Variants in EXT1 observed in about 807,000 individuals in gnomAD.
EXT1 encodes exostosin glycosyltransferase 1, also known as exostosin-1.
Under a neutral mutation model 82.5 loss-of-function variants are expected in EXT1, and 20 were observed. The observed-to-expected ratio is 0.24, with a 90% confidence interval of 0.17 to 0.35. The LOEUF (loss-of-function observed/expected upper bound fraction) is 0.35, where lower values mean the gene tolerates loss of function less well. Among genes scored for constraint, EXT1 ranks in the 10% least tolerant of loss-of-function variants. The pLI, the probability that EXT1 is intolerant of heterozygous loss-of-function variation, is 1.00. For missense variants in EXT1, 757 were observed against 936.5 expected, an observed-to-expected ratio of 0.81 and a Z score of 2.50; for synonymous variants, 348 against 350.8, an observed-to-expected ratio of 0.99 and a Z score of 0.09.
chr8:118,051,203 G>T (rs1283292348), intron 1 of EXT1, among the ~76,000 whole-genome samples: 2 of 151,990 alleles, frequency 1.3e-5, no homozygotes, highest in Admixed American at 1.3e-4. Context: ...AGGGCACGGT[G>T]GCATGCCCCT....
At chr8:117,866,547 G>A (rs1812777003) in intron 1 of EXT1, among the ~76,000 whole-genome samples, 1 of 152,202 alleles carries the variant, frequency 6.6e-6, no homozygotes, top group East Asian at 1.9e-4. Context: ...CTCAAGGACA[G>A]TGGGGATGGC....
chr8:118,028,975 T>C (rs1816251556), intron 1 of EXT1, among the ~76,000 whole-genome samples: 1 of 152,220 alleles, frequency 6.6e-6, no homozygotes, highest in Admixed American at 6.5e-5. Context: ...TACTGTAAGA[T>C]ATATTCACCA....
At chr8:118,068,877 C>T (rs145118182) in intron 1 of EXT1, among the ~76,000 whole-genome samples, 26 of 152,228 alleles carry the variant, frequency 1.7e-4, no homozygotes, top group Admixed American at 6.5e-5. Flanking sequence ...ATTACCATTG[C>T]TGTTGTGTTA....
intron 1 of EXT1, among the ~76,000 whole-genome samples, chr8:117,980,694 GGTGGTTTTTTTTTTTTTTTT>G (rs370501489): frequency 0.52 from 64,470 of 123,544 alleles, 16,901 homozygotes; most frequent in Admixed American, 0.56. Flanking sequence ...TTCGGGTGTT[GGTGGTTTTTTTTTTTTTTTT>G]TTTTTTTTTT....
chr8:117,831,782 T>TC (rs1812103419), intron 3 of EXT1: 1 of 417,972 alleles, frequency 2.4e-6, no homozygotes, highest in East Asian at 7.2e-5. Context: ...AATTCAGCAC[T>TC]CCCCTTAGGA....
At chr8:117,921,929 G>A (rs1813864022) in intron 1 of EXT1, among the ~76,000 whole-genome samples, 1 of 151,436 alleles carries the variant, frequency 6.6e-6, no homozygotes, top group African/African-American at 2.4e-5. Context: ...AAATAGAACT[G>A]TACAGACTCT....
chr8:118,077,391 G>A (rs1409020715), intron 1 of EXT1, among the ~76,000 whole-genome samples: 1 of 152,152 alleles, frequency 6.6e-6, no homozygotes, highest in East Asian at 1.9e-4. Context: ...AATAAAAACT[G>A]TATTTCCACA....
In EXT1 at chr8:117,929,073, A is replaced by T. The variant is rs369193808; in HGVS notation, c.963-91872T>A. ...CTTCAATTGGGGTGATAATGAAGACACACATCTCCTAAGTTGCTGGAAAGA... is the reference window on the plus strand; with the variant it reads ...CTTCAATTGGGGTGATAATGAAGACTCACATCTCCTAAGTTGCTGGAAAGA... On this transcript the variant is annotated intron_variant, in intron 1 of 10. Coordinates refer to ENST00000378204, the MANE Select transcript of EXT1 (RefSeq NM_000127.3). 4.9e-4 allele frequency among the ~76,000 whole-genome samples: 74 copies of T among 152,326 alleles called. 1 individual carries two copies. Among genetic ancestry groups the T allele is most frequent in the South Asian group, 4.1e-3 (20 of 4,822 alleles).
intron 1 of EXT1, among the ~76,000 whole-genome samples, chr8:117,967,911 A>G (rs1316568326): frequency 1.3e-5 from 2 of 152,244 alleles, no homozygotes; most frequent in African/African-American, 2.4e-5. Context: ...CATGAGGACT[A>G]TAGTTAATAG....
At chr8:118,002,897 G>A (rs1438230339) in intron 1 of EXT1, among the ~76,000 whole-genome samples, 1 of 151,982 alleles carries the variant, frequency 6.6e-6, no homozygotes, top group Non-Finnish European at 1.5e-5. Context: ...CTACCCAGAG[G>A]AAAAGAAGTC....
chr8:117,850,435 A>T (rs1812433758), intron 1 of EXT1, among the ~76,000 whole-genome samples: 1 of 152,212 alleles, frequency 6.6e-6, no homozygotes, highest in Non-Finnish European at 1.5e-5. Context: ...CCAGTCGACC[A>T]TATCCCTCTC....
intron 1 of EXT1, among the ~76,000 whole-genome samples, chr8:117,858,689 G>GAAGAAAGA (rs1217359816): frequency 7.7e-6 from 1 of 129,622 alleles, no homozygotes; most frequent in African/African-American, 3.0e-5. Context: ...AAAAAAAAAA[G>GAAGAAAGA]AAGAAAGAAA....
chr8:117,884,605 T>C (rs895546310), intron 1 of EXT1, among the ~76,000 whole-genome samples: 2 of 152,218 alleles, frequency 1.3e-5, no homozygotes, highest in African/African-American at 2.4e-5. Context: ...CAACAGTCTC[T>C]ATACTTTTCT....
At chr8:117,860,146 C>CAAAAAAAAAAAA (rs34399339) in intron 1 of EXT1, among the ~76,000 whole-genome samples, 2 of 76,900 alleles carry the variant, frequency 2.6e-5, no homozygotes, top group Non-Finnish European at 4.6e-5. Context: ...GATTCTATCT[C>CAAAAAAAAAAAA]AAAAAAAAAA....
intron 1 of EXT1, among the ~76,000 whole-genome samples, chr8:118,013,950 C>T (rs1008002008): frequency 2.6e-5 from 4 of 152,136 alleles, no homozygotes; most frequent in Non-Finnish European, 5.9e-5. Context: ...AGTTGAACTG[C>T]GATTGAATCC....
chr8:118,050,818 T>C (rs1339868353), intron 1 of EXT1, among the ~76,000 whole-genome samples: 1 of 152,174 alleles, frequency 6.6e-6, no homozygotes, highest in African/African-American at 2.4e-5. Context: ...ATAAATAATA[T>C]CTTGATTAAT....
intron 1 of EXT1, among the ~76,000 whole-genome samples, chr8:117,974,444 C>G (rs1815025647): frequency 6.6e-6 from 1 of 152,144 alleles, no homozygotes; most frequent in South Asian, 2.1e-4. Context: ...TCAAAACAGG[C>G]TGACACCACA....
intron 8 of EXT1, among the ~76,000 whole-genome samples, chr8:117,809,127 A>C (rs775373835): frequency 6.6e-6 from 1 of 150,644 alleles, no homozygotes; most frequent in Non-Finnish European, 1.5e-5. Context: ...ATGTGAGCCA[A>C]TTACTCATAA....
chr8:117,862,987 G>A (rs1212908425), intron 1 of EXT1, among the ~76,000 whole-genome samples: 1 of 152,142 alleles, frequency 6.6e-6, no homozygotes, highest in Non-Finnish European at 1.5e-5. Context: ...GGGAGTGGTG[G>A]AGGTGTTGGC....
Sources: gnomAD v4.1 joint callset for allele counts (sites outside exome capture counted in the v4.1 genomes callset) on GRCh38, gnomAD v4.1.1 for gene constraint, MANE v1.5 for transcripts, NCBI Gene and HGNC (gene_info 2026-07-23, HGNC 2026-07-21) for gene names.